The following GPC6 variants were observed in gnomAD, a reference collection of about 807,000 sequenced individuals.
The protein encoded by GPC6 is glypican 6, also known as glypican-6.
In GPC6, 14 loss-of-function variants were observed where a neutral mutation model predicts 55.2. The ratio of observed to expected loss-of-function variants is 0.25; its 90% CI spans 0.17 to 0.40. The LOEUF is 0.40. Ranked by LOEUF, GPC6 falls within the 10% of genes least tolerant of loss-of-function variation. The pLI is 1.00. For missense variants in GPC6, 641 were observed against 708.5 expected (o/e 0.90, Z 1.08); for synonymous variants, 278 against 259.6 (o/e 1.07, Z -0.68).
At chr13:93,535,637 T>C (rs2139418989) in intron 1 of GPC6, among the ~76,000 whole-genome samples, 1 of 142,578 alleles carries the variant, frequency 7.0e-6, no homozygotes, top group South Asian at 2.2e-4. Context: ...CCCAGAAAAA[T>C]AGGTGATGGA....
intron 6 of GPC6, among the ~76,000 whole-genome samples, chr13:94,374,003 C>G (rs1434326307): frequency 6.6e-6 from 1 of 151,948 alleles, no homozygotes; most frequent in Non-Finnish European, 1.5e-5. Flanking sequence ...ACTTTACAGA[C>G]AAGCAAATGC....
intron 1 of GPC6, among the ~76,000 whole-genome samples, chr13:93,513,876 C>CTTTTTTTT (rs56333946): frequency 1.8e-5 from 2 of 110,246 alleles, no homozygotes; most frequent in Non-Finnish European, 3.5e-5. Context: ...TGAATGATGG[C>CTTTTTTTT]TTTTTTTTTT....
chr13:93,557,217 G>A (rs1875527606), intron 2 of GPC6, among the ~76,000 whole-genome samples: 1 of 152,130 alleles, frequency 6.6e-6, no homozygotes, highest in Non-Finnish European at 1.5e-5. Context: ...GTCTCTGTGA[G>A]CATGAGGGAA....
At chr13:93,443,079 C>A (rs1199433770) in intron 1 of GPC6, among the ~76,000 whole-genome samples, 2 of 152,092 alleles carry the variant, frequency 1.3e-5, no homozygotes, top group Non-Finnish European at 2.9e-5. Flanking sequence ...CTTAGAGAAC[C>A]TAACACCTAT....
intron 2 of GPC6, among the ~76,000 whole-genome samples, chr13:93,814,132 G>T (rs1262190187): frequency 1.3e-5 from 2 of 152,076 alleles, no homozygotes; most frequent in African/African-American, 4.8e-5. Context: ...GTGGACAGGA[G>T]AAATACATGG....
intron 6 of GPC6, among the ~76,000 whole-genome samples, chr13:94,335,356 C>CT (rs1877625262): frequency 1.3e-5 from 2 of 152,274 alleles, no homozygotes; most frequent in Non-Finnish European, 2.9e-5. Flanking sequence ...CTCCTGGGAT[C>CT]TTTTTCCAGG....
intron 3 of GPC6, among the ~76,000 whole-genome samples, chr13:93,915,882 C>T (rs991989611): frequency 1.3e-5 from 2 of 152,128 alleles, no homozygotes; most frequent in Admixed American, 1.3e-4. Context: ...TTGGATTTAG[C>T]TTTGTGAGTG....
intron 1 of GPC6, among the ~76,000 whole-genome samples, chr13:93,440,108 T>C (rs1267002357): frequency 1.3e-5 from 2 of 152,236 alleles, no homozygotes; most frequent in South Asian, 2.1e-4. Flanking sequence ...ATTTAGACTG[T>C]AATTTTATGG....
chr13:93,900,801 AAAAT>A (rs1876304906), intron 3 of GPC6, among the ~76,000 whole-genome samples: 1 of 152,300 alleles, frequency 6.6e-6, no homozygotes, highest in South Asian at 2.1e-4. Flanking sequence ...GATGTGTGAA[AAAAT>A]AAATAAAAAA....
chr13:94,132,559 C>T (rs1258074570), intron 4 of GPC6, among the ~76,000 whole-genome samples: 2 of 152,172 alleles, frequency 1.3e-5, no homozygotes, highest in Non-Finnish European at 2.9e-5. Context: ...AGATCTCTTC[C>T]TTGTTCAAAA....
chr13:94,110,062 T>TAAAAAAAAA (rs78404632), intron 4 of GPC6, among the ~76,000 whole-genome samples: 8 of 84,620 alleles, frequency 9.5e-5, no homozygotes, highest in Admixed American at 1.2e-4. Flanking sequence ...CACCCTGGAC[T>TAAAAAAAAA]AAAAAAAAAA....
intron 1 of GPC6, among the ~76,000 whole-genome samples, chr13:93,276,992 C>G (rs547728931): frequency 1.3e-5 from 2 of 152,248 alleles, no homozygotes; most frequent in Admixed American, 1.3e-4. Flanking sequence ...ATAATCAATG[C>G]TTCTAAAATA....
chr13:94,149,511 G>C (rs1887666041), intron 4 of GPC6, among the ~76,000 whole-genome samples: 1 of 152,080 alleles, frequency 6.6e-6, no homozygotes, highest in Non-Finnish European at 1.5e-5. Context: ...AAACCTTGTA[G>C]AGCATTGAAC....
rs190560357 is a variant in GPC6, at chr13:94,299,006, G to A, written c.1009-6974G>A. Among the ~76,000 whole-genome samples the A allele has an allele frequency of 1.3e-3, 204 of 152,212 alleles. 1 individual carries two copies. In the East Asian group the frequency reaches 0.028, roughly 21 times the overall value. On this transcript the variant is annotated intron_variant, in intron 5 of 8. Transcript: ENST00000377047. ...TTGCCTTCAATAAATGTTTGCAAAAGGGGACGATTATGACTAAAAATTTTA... is the reference window on the plus strand; with the variant it reads ...TTGCCTTCAATAAATGTTTGCAAAAAGGGACGATTATGACTAAAAATTTTA...
chr13:93,778,531 G>C (rs912879391), intron 2 of GPC6, among the ~76,000 whole-genome samples: 3 of 152,184 alleles, frequency 2.0e-5, no homozygotes, highest in African/African-American at 7.2e-5. Flanking sequence ...AAGCAGCTCA[G>C]AGACTACTTT....
intron 2 of GPC6, among the ~76,000 whole-genome samples, chr13:93,577,446 T>C (rs1310038341): frequency 6.6e-6 from 1 of 152,158 alleles, no homozygotes; most frequent in Non-Finnish European, 1.5e-5. Flanking sequence ...TACATTGACT[T>C]TGTGGGAAGT....
intron 1 of GPC6, among the ~76,000 whole-genome samples, chr13:93,353,134 C>A (rs1017777593): frequency 3.3e-5 from 5 of 152,020 alleles, no homozygotes; most frequent in African/African-American, 9.7e-5. Context: ...AATGGAGGTG[C>A]TTTTTACTAC....
intron 1 of GPC6, among the ~76,000 whole-genome samples, chr13:93,408,661 C>A (rs1479293594): frequency 6.6e-6 from 1 of 152,064 alleles, no homozygotes; most frequent in Non-Finnish European, 1.5e-5. Context: ...AGGCAAAGAC[C>A]AGCACAGAAC....
At chr13:93,278,546 TA>T (rs1877841463) in intron 1 of GPC6, among the ~76,000 whole-genome samples, 1 of 152,264 alleles carries the variant, frequency 6.6e-6, no homozygotes, top group African/African-American at 2.4e-5. Context: ...CATTAGTTTT[TA>T]TTTGTGTTTA....
Sources: allele counts gnomAD v4.1 joint callset (sites outside exome capture counted in the v4.1 genomes callset), GRCh38; gene constraint gnomAD v4.1.1; transcripts MANE v1.5; gene names NCBI Gene and HGNC (gene_info 2026-07-23, HGNC 2026-07-21).